CACNA1D: variants seen among roughly 807,000 people sequenced by gnomAD.
CACNA1D encodes calcium voltage-gated channel subunit alpha1 D.
CACNA1D carries 55 observed loss-of-function variants against 257.1 expected under a neutral mutation model. The observed-to-expected ratio is 0.21, with a 90% CI of 0.17 to 0.27. The LOEUF is 0.27. Among genes scored for constraint, CACNA1D ranks in the 10% least tolerant of loss-of-function variants. The pLI, the probability that CACNA1D is intolerant of heterozygous loss-of-function variation, is 1.00. For synonymous variants in CACNA1D, 980 were observed against 1,014.9 expected (o/e 0.97, Z 0.65); for missense variants, 1,876 against 2,784.0 (o/e 0.67, Z 7.34).
intron 3 of CACNA1D, among the ~76,000 whole-genome samples, chr3:53,643,965 A>G (rs2093991874): frequency 1.3e-5 from 2 of 152,348 alleles, no homozygotes; most frequent in African/African-American, 4.8e-5. Context: ...CCTGGAACAG[A>G]GCAAAACCAG....
intron 22 of CACNA1D, 30 bp downstream of exon 22, chr3:53,743,147 TG>T: frequency 7.3e-7 from 1 of 1,366,122 alleles, no homozygotes; most frequent in Non-Finnish European, 1.0e-6. Flanking sequence ...TGCCCAGAAT[TG>T]TTGGGCTGAA....
At position 53,721,398 on chromosome 3, in the gene CACNA1D, G is replaced by C. The variant is rs373648055; in HGVS notation, c.1506-916G>C. Among the ~76,000 whole-genome samples the C allele has an allele frequency of 5.7e-4, 87 of 152,316 alleles. 1 individual carries two copies. Among genetic ancestry groups the C allele is most frequent in the African/African-American group, 1.9e-3 (80 of 41,564 alleles). ...GAGGAAGTACCCCATTGTCGTTAGT[G>C]AGGCAGCACAGCCTGGAGAGGACTG... On this transcript the variant is annotated intron_variant, in intron 11 of 47. Transcript: ENST00000350061.
chr3:53,525,472 G>A (rs549495810), intron 3 of CACNA1D, among the ~76,000 whole-genome samples: 3 of 152,312 alleles, frequency 2.0e-5, no homozygotes, highest in Admixed American at 6.5e-5. Flanking sequence ...ATGACCCAGT[G>A]GTGAAGAGTA....
chr3:53,501,477 C>A, intron 2 of CACNA1D, 138 bp from the exon 3 acceptor site: 1 of 643,346 alleles, frequency 1.6e-6, no homozygotes, highest in Non-Finnish European at 2.8e-6. Context: ...ACCTAGCAGT[C>A]ACAGCAGTCA....
At chr3:53,726,090 G>C (rs1447302370) in intron 14 of CACNA1D, among the ~76,000 whole-genome samples, 1 of 152,230 alleles carries the variant, frequency 6.6e-6, no homozygotes, top group Non-Finnish European at 1.5e-5. Flanking sequence ...CTATGCAGCA[G>C]TTAAAAGAAT....
chr3:53,726,818 C>A (rs1281070101), intron 14 of CACNA1D, 61 bp from the exon 15 acceptor site: 15 of 1,613,096 alleles, frequency 9.3e-6, no homozygotes, highest in Non-Finnish European at 1.2e-5. Context: ...CCGAGGGGCT[C>A]TAAGAGAGCG....
chr3:53,511,415 C>A (rs2091104733), intron 3 of CACNA1D, among the ~76,000 whole-genome samples: 1 of 152,142 alleles, frequency 6.6e-6, no homozygotes, highest in Non-Finnish European at 1.5e-5. Context: ...GGGAAGCAGC[C>A]ACGCTCATTC....
intron 3 of CACNA1D, among the ~76,000 whole-genome samples, chr3:53,648,678 G>A (rs1033098756): frequency 6.6e-6 from 1 of 152,018 alleles, no homozygotes; most frequent in Non-Finnish European, 1.5e-5. Flanking sequence ...CTGTATGAAG[G>A]GCATGGGGGA....
chr3:53,678,974 T>C (rs1480651569), intron 8 of CACNA1D: 1 of 151,842 alleles, frequency 6.6e-6, no homozygotes, highest in Non-Finnish European at 1.5e-5. Flanking sequence ...TGAGATTAGA[T>C]TTTTCTCTCA....
At chr3:53,509,860 C>A (rs1014143018) in intron 3 of CACNA1D, among the ~76,000 whole-genome samples, 4 of 152,208 alleles carry the variant, frequency 2.6e-5, no homozygotes, top group African/African-American at 9.7e-5. Flanking sequence ...CATAGACTCA[C>A]AGATACTTTT....
chr3:53,695,448 C>T (rs1343115340), intron 8 of CACNA1D, among the ~76,000 whole-genome samples: 1 of 152,192 alleles, frequency 6.6e-6, no homozygotes, highest in Non-Finnish European at 1.5e-5. Context: ...ATCCCTCCTC[C>T]TGCCCCGCCC....
chr3:53,747,010 T>TAAA (rs2095175968), intron 25 of CACNA1D, among the ~76,000 whole-genome samples: 1 of 152,214 alleles, frequency 6.6e-6, no homozygotes, highest in Non-Finnish European at 1.5e-5. Context: ...AGAGATGCTC[T>TAAA]CACCATGCTG....
chr3:53,740,092 C>T (rs573406612), intron 20 of CACNA1D, among the ~76,000 whole-genome samples, 188 bp from the exon 21 acceptor site: 2 of 152,354 alleles, frequency 1.3e-5, no homozygotes, highest in South Asian at 2.1e-4. Context: ...GATTCTCAAA[C>T]GCTCTTTGGG....
intron 4 of CACNA1D, among the ~76,000 whole-genome samples, chr3:53,655,752 T>C (rs2094141865): frequency 6.6e-6 from 1 of 152,208 alleles, no homozygotes; most frequent in Non-Finnish European, 1.5e-5. Context: ...TTACCCTGTT[T>C]CTTTTGTTGT....
chr3:53,655,990 T>C, intron 4 of CACNA1D, among the ~76,000 whole-genome samples: 1 of 152,218 alleles, frequency 6.6e-6, no homozygotes, highest in East Asian at 1.9e-4. Context: ...TTCAATCTTG[T>C]GCATATGGCT....
In CACNA1D at chr3:53,735,386, C is replaced by G. The variant is rs781505701; in HGVS notation, c.2634C>G (p.Gly878=). Reference sequence around the variant, plus strand: ...CTTTTCCCTGCAGGATCCGCGTAGGCTGCCACAAGCTCATCAACCACCACA... The same window carrying G: ...CTTTTCCCTGCAGGATCCGCGTAGGGTGCCACAAGCTCATCAACCACCACA... ...ILSKTNPIRV[G]CHKLINHHIF... The change falls in exon 20 of 48, where the codon GGC becomes GGG. Residue 878 remains glycine, a synonymous_variant. Transcript: ENST00000350061. The G allele has an allele frequency of 2.5e-6, 4 of 1,614,040 alleles. No homozygotes were observed. The South Asian group carries it at 4.4e-5, about 18-fold the overall frequency.
intron 9 of CACNA1D, among the ~76,000 whole-genome samples, chr3:53,705,047 C>A (rs1245801614): frequency 6.6e-6 from 1 of 152,172 alleles, no homozygotes; most frequent in African/African-American, 2.4e-5. Flanking sequence ...CTGTAAAAAC[C>A]TGATGATGAC....
rs571407928 is a variant in CACNA1D at position 53,594,025 on chromosome 3, A to G, written c.484-56754A>G. Among the ~76,000 whole-genome samples the G allele has an allele frequency of 4.6e-5, 7 of 152,298 alleles. 1 individual carries two copies. The highest frequency in any genetic ancestry group is 1.7e-4 in the African/African-American group (7 of 41,562). On this transcript the variant is annotated intron_variant, in intron 3 of 47. Transcript: ENST00000350061. Reference sequence around the variant, plus strand: ...AAGTCTTAGAAGAAGGAACAACAGAAACCAAGTTCAGTGACAGCCCACCAG... The same window carrying G: ...AAGTCTTAGAAGAAGGAACAACAGAGACCAAGTTCAGTGACAGCCCACCAG...
chr3:53,611,848 C>G (rs548802177), intron 3 of CACNA1D, among the ~76,000 whole-genome samples: 26 of 152,310 alleles, frequency 1.7e-4, no homozygotes, highest in Middle Eastern at 3.4e-3. Flanking sequence ...TGGTCTGTTA[C>G]AATCACACAA....
Sources: allele counts gnomAD v4.1 joint callset (sites outside exome capture counted in the v4.1 genomes callset), GRCh38; gene constraint gnomAD v4.1.1; transcripts MANE v1.5; gene names NCBI Gene and HGNC (gene_info 2026-07-23, HGNC 2026-07-21).